ZFAND3: variants seen among roughly 807,000 people sequenced by gnomAD.
ZFAND3 encodes zinc finger AN1-type containing 3.
A neutral mutation model predicts 29.6 loss-of-function variants in ZFAND3; 10 were observed. The ratio of observed to expected loss-of-function variants is 0.34; its 90% CI spans 0.21 to 0.57. The LOEUF (loss-of-function observed/expected upper bound fraction) is 0.57, where lower values mean the gene tolerates loss of function less well. ZFAND3 is among the 20% of genes least tolerant of loss of function. The pLI, the probability that ZFAND3 is intolerant of heterozygous loss-of-function variation, is 0.86. For missense variants in ZFAND3, 230 were observed against 304.5 expected (o/e 0.76, Z 1.82); for synonymous variants, 128 against 112.6 (o/e 1.14, Z -0.87).
intron 3 of ZFAND3, among the ~76,000 whole-genome samples, chr6:38,070,313 A>G (rs892741288): frequency 6.6e-5 from 10 of 151,554 alleles, no homozygotes; most frequent in African/African-American, 2.4e-4. Flanking sequence ...AATTCCAGCT[A>G]CTCGGGGGGC....
chr6:38,082,568 T>A (rs1764684527), intron 4 of ZFAND3, 111 bp downstream of exon 4: 1 of 995,142 alleles, frequency 1.0e-6, no homozygotes, highest in African/African-American at 1.6e-5. Context: ...CTTCCGTCAG[T>A]TGTGAGGTGA....
chr6:38,011,836 C>A (rs6920185), intron 2 of ZFAND3, among the ~76,000 whole-genome samples: 45,913 of 151,942 alleles, frequency 0.3, 7,499 homozygotes, highest in East Asian at 0.57. Context: ...TAAGAGGATT[C>A]GGGGAAGGTA....
intron 4 of ZFAND3, among the ~76,000 whole-genome samples, chr6:38,091,473 ATTTTTTTTT>A (rs5875611): frequency 5.6e-4 from 41 of 73,682 alleles, no homozygotes; most frequent in Admixed American, 1.9e-3. Flanking sequence ...AAACTTTAGG[ATTTTTTTTT>A]TTTTTTTTTT....
At chr6:37,899,018 C>T (rs144406505) in intron 1 of ZFAND3, among the ~76,000 whole-genome samples, 228 of 152,320 alleles carry the variant, frequency 1.5e-3, no homozygotes, top group Middle Eastern at 0.014. Flanking sequence ...ACCTCAGCCT[C>T]GCAAGTAGCC....
At chr6:38,011,440 C>T (rs1447721970) in intron 2 of ZFAND3, among the ~76,000 whole-genome samples, 2 of 152,164 alleles carry the variant, frequency 1.3e-5, no homozygotes, top group African/African-American at 4.8e-5. Context: ...CATGAGCGTT[C>T]CAGTTGCTCC....
At chr6:38,034,060 A>G (rs1049030666) in intron 2 of ZFAND3, among the ~76,000 whole-genome samples, 8 of 152,156 alleles carry the variant, frequency 5.3e-5, no homozygotes, top group African/African-American at 1.9e-4. Flanking sequence ...TAGGGATCTG[A>G]AAAAAAGTGG....
chr6:37,961,567 G>A (rs1561947945), intron 2 of ZFAND3, among the ~76,000 whole-genome samples: 1 of 152,244 alleles, frequency 6.6e-6, no homozygotes, highest in African/African-American at 2.4e-5. Context: ...TGCTATGCTG[G>A]CTTCAGGTTT....
chr6:37,986,143 A>G (rs1292920822), intron 2 of ZFAND3, among the ~76,000 whole-genome samples: 2 of 151,898 alleles, frequency 1.3e-5, no homozygotes, highest in Non-Finnish European at 2.9e-5. Context: ...TCTTTACAAA[A>G]TATAATTTTT....
At chr6:37,864,161 TA>T (rs774939053) in intron 1 of ZFAND3, among the ~76,000 whole-genome samples, 2 of 152,182 alleles carry the variant, frequency 1.3e-5, no homozygotes, top group Non-Finnish European at 2.9e-5. Flanking sequence ...GTAATACATA[TA>T]TTTTATTTGG....
chr6:37,912,187 C>T (rs928295348), intron 1 of ZFAND3, among the ~76,000 whole-genome samples: 2 of 151,940 alleles, frequency 1.3e-5, no homozygotes, highest in Admixed American at 6.6e-5. Flanking sequence ...CATCACCAGT[C>T]CCCAGCACTG....
At chr6:37,895,089 A>G (rs1422474522) in intron 1 of ZFAND3, among the ~76,000 whole-genome samples, 2 of 152,146 alleles carry the variant, frequency 1.3e-5, no homozygotes, top group African/African-American at 4.8e-5. Flanking sequence ...ATTTCTTCAA[A>G]AAATTTTTTG....
rs925470671 is a variant in ZFAND3, at chr6:38,123,336, A to G, written c.529+6597A>G. 2.0e-5 allele frequency among the ~76,000 whole-genome samples: 3 copies of G among 152,240 alleles called. No homozygotes were observed. In the East Asian group the frequency reaches 5.8e-4, roughly 29 times the overall value. Reference sequence around the variant, plus strand: ...CATTACCAGGCTGATCCATTTCACCAGCATCAGAAATCAGCCCACGTGTCT... The same window carrying G: ...CATTACCAGGCTGATCCATTTCACCGGCATCAGAAATCAGCCCACGTGTCT... On this transcript the variant is annotated intron_variant, in intron 5 of 5. Coordinates refer to ENST00000287218, the MANE Select transcript of ZFAND3 (RefSeq NM_021943.3).
At chr6:37,857,336 A>G (rs1764403045) in intron 1 of ZFAND3, among the ~76,000 whole-genome samples, 1 of 152,216 alleles carries the variant, frequency 6.6e-6, no homozygotes. Flanking sequence ...AACATGATAA[A>G]TACCTTGTAT....
At chr6:37,976,789 G>A (rs1443325056) in intron 2 of ZFAND3, among the ~76,000 whole-genome samples, 1 of 152,096 alleles carries the variant, frequency 6.6e-6, no homozygotes, top group Non-Finnish European at 1.5e-5. Flanking sequence ...ATGAGCTCTT[G>A]TGAGAGCTCC....
At chr6:38,077,839 AC>A (rs1339140012) in intron 3 of ZFAND3, among the ~76,000 whole-genome samples, 11 of 152,134 alleles carry the variant, frequency 7.2e-5, no homozygotes, top group African/African-American at 2.7e-4. Flanking sequence ...CCTCCAAACC[AC>A]TGTTCTTGAC....
At chr6:37,965,570 CTT>C (rs11294675) in intron 2 of ZFAND3, among the ~76,000 whole-genome samples, 36 of 147,830 alleles carry the variant, frequency 2.4e-4, no homozygotes, top group South Asian at 4.3e-4. Flanking sequence ...GGTTGTCATT[CTT>C]TTTTTTTTTT....
intron 1 of ZFAND3, among the ~76,000 whole-genome samples, chr6:37,849,169 G>A (rs1390411404): frequency 6.6e-6 from 1 of 152,188 alleles, no homozygotes; most frequent in Non-Finnish European, 1.5e-5. Context: ...GGGGCCAGAA[G>A]GTTGGAGTGA....
At chr6:37,866,595 C>T (rs935028573) in intron 1 of ZFAND3, among the ~76,000 whole-genome samples, 2 of 152,156 alleles carry the variant, frequency 1.3e-5, no homozygotes, top group African/African-American at 2.4e-5. Flanking sequence ...GTTTTGTTGA[C>T]TGCTTGATTA....
intron 3 of ZFAND3, among the ~76,000 whole-genome samples, chr6:38,076,168 T>G (rs1297346511): frequency 6.6e-6 from 1 of 152,058 alleles, no homozygotes. Context: ...AAGAAGAGTA[T>G]GAATCACTGA....
Sources: allele counts gnomAD v4.1 joint callset (sites outside exome capture counted in the v4.1 genomes callset), GRCh38; gene constraint gnomAD v4.1.1; transcripts MANE v1.5; gene names NCBI Gene and HGNC (gene_info 2026-07-23, HGNC 2026-07-21).